The following WDR7 variants were observed in gnomAD, a reference collection of about 807,000 sequenced individuals.
WDR7 encodes the protein WD repeat-containing protein 7.
WDR7 carries 46 observed loss-of-function variants against 169.4 expected under a neutral mutation model. The observed-to-expected ratio is 0.27, with a 90% confidence interval of 0.21 to 0.35. The LOEUF (loss-of-function observed/expected upper bound fraction) is 0.35. Among genes scored for constraint, WDR7 ranks in the 10% least tolerant of loss-of-function variants. The probability of loss-of-function intolerance (pLI) is 1.00; values close to 1 mark genes in which losing one functional copy is unlikely to be tolerated. For synonymous variants in WDR7, 612 were observed against 666.8 expected (o/e 0.92, Z 1.27); for missense variants, 1,534 against 1,859.3 (o/e 0.83, Z 3.22).
At chr18:56,670,840 C>T (rs777255528) in intron 1 of WDR7, among the ~76,000 whole-genome samples, 7 of 152,080 alleles carry the variant, frequency 4.6e-5, no homozygotes, top group Admixed American at 1.3e-4. Flanking sequence ...AATGATTATA[C>T]CTTTTGATTG....
At chr18:56,660,301 A>G (rs906003920) in intron 1 of WDR7, among the ~76,000 whole-genome samples, 1 of 152,186 alleles carries the variant, frequency 6.6e-6, no homozygotes, top group African/African-American at 2.4e-5. Context: ...TTTGGATTTC[A>G]GAAAAGCATC....
At chr18:56,654,524 T>G (rs1455819266) in intron 1 of WDR7, among the ~76,000 whole-genome samples, 1 of 152,226 alleles carries the variant, frequency 6.6e-6, no homozygotes, top group Non-Finnish European at 1.5e-5. Flanking sequence ...ATTTTGGGGT[T>G]TCAGTTCTTT....
At chr18:56,695,537 CTTTT>C (rs774362260) in intron 11 of WDR7, among the ~76,000 whole-genome samples, 11 of 139,468 alleles carry the variant, frequency 7.9e-5, no homozygotes, top group Admixed American at 6.5e-4. Flanking sequence ...CAATAGAAAT[CTTTT>C]TTTTTTTTTT....
intron 20 of WDR7, among the ~76,000 whole-genome samples, chr18:56,827,091 G>A (rs2045219123): frequency 2.0e-5 from 3 of 152,188 alleles, no homozygotes; most frequent in Non-Finnish European, 4.4e-5. Context: ...GGAGAGACAT[G>A]GGAAAAGCTT....
At chr18:56,864,325 C>T (rs1453956728) in intron 20 of WDR7, among the ~76,000 whole-genome samples, 2 of 151,506 alleles carry the variant, frequency 1.3e-5, no homozygotes, top group Admixed American at 1.3e-4. Flanking sequence ...TATATAATGT[C>T]ATGACTCTCA....
At chr18:56,881,742 T>A (rs1452131435) in intron 21 of WDR7, among the ~76,000 whole-genome samples, 1 of 152,026 alleles carries the variant, frequency 6.6e-6, no homozygotes, top group Non-Finnish European at 1.5e-5. Context: ...TAGGCCACGA[T>A]GACTGGGTAA....
chr18:56,825,852 T>A (rs569165987), intron 20 of WDR7, among the ~76,000 whole-genome samples: 1 of 152,322 alleles, frequency 6.6e-6, no homozygotes, highest in Non-Finnish European at 1.5e-5. Context: ...TTTTATGTAT[T>A]GTCTAGATAA....
chr18:56,843,478 G>A (rs924389048), intron 20 of WDR7, among the ~76,000 whole-genome samples: 3 of 152,126 alleles, frequency 2.0e-5, no homozygotes, highest in African/African-American at 7.2e-5. Flanking sequence ...TAAGTGTCTG[G>A]CTTATTTCAC....
Position 56,911,386 on chromosome 18 carries a change from G to A in WDR7, c.3527-12536G>A, listed in dbSNP as rs575868377. ...AGATGTCCAGACTGAGAAACGGGCA[G>A]CAGAGTGACTTTTGTTTGCTCATCT... is the stretch of plus-strand genomic sequence containing the variant. On this transcript the variant is annotated intron_variant, in intron 21 of 27. Coordinates refer to ENST00000254442, the MANE Select transcript of WDR7 (RefSeq NM_015285.3). Among the ~76,000 whole-genome samples, 85 of 152,196 alleles carry A rather than the reference G, an allele frequency of 5.6e-4. 1 individual carries two copies. The highest frequency in any genetic ancestry group is 9.2e-4 in the Admixed American group (14 of 15,264).
At chr18:56,941,593 C>T (rs535710683) in intron 25 of WDR7, among the ~76,000 whole-genome samples, 1 of 152,048 alleles carries the variant, frequency 6.6e-6, no homozygotes, top group African/African-American at 2.4e-5. Flanking sequence ...GTATAGTGCC[C>T]GAGTATAGAG....
chr18:56,827,831 C>A (rs2045235168), intron 20 of WDR7, among the ~76,000 whole-genome samples: 1 of 151,806 alleles, frequency 6.6e-6, no homozygotes, highest in East Asian at 1.9e-4. Flanking sequence ...AATATATGCA[C>A]CTACTATATA....
intron 26 of WDR7, among the ~76,000 whole-genome samples, chr18:56,979,150 G>A (rs537657499): frequency 1.3e-5 from 2 of 151,962 alleles, no homozygotes; most frequent in African/African-American, 2.4e-5. Flanking sequence ...CCTATATATG[G>A]GTTATTAATA....
chr18:56,782,908 TTA>T (rs1293690257), intron 19 of WDR7, among the ~76,000 whole-genome samples: 1 of 152,182 alleles, frequency 6.6e-6, no homozygotes, highest in East Asian at 1.9e-4. Context: ...TATAGGGTTA[TTA>T]TGTGTGTGGC....
At chr18:56,686,620 C>T (rs2025449273) in intron 6 of WDR7, among the ~76,000 whole-genome samples, 1 of 152,094 alleles carries the variant, frequency 6.6e-6, no homozygotes, top group Non-Finnish European at 1.5e-5. Flanking sequence ...AGTGATGATA[C>T]TCTGAGTATC....
intron 13 of WDR7, among the ~76,000 whole-genome samples, chr18:56,726,107 C>T (rs1434150315): frequency 1.3e-5 from 2 of 152,092 alleles, no homozygotes; most frequent in Non-Finnish European, 2.9e-5. Flanking sequence ...CAGCTTTGTT[C>T]TTTTGGAGGA....
intron 27 of WDR7, among the ~76,000 whole-genome samples, chr18:57,022,502 CTT>C (rs1221130203): frequency 6.6e-6 from 1 of 152,198 alleles, no homozygotes; most frequent in Non-Finnish European, 1.5e-5. Flanking sequence ...CAAAACATCT[CTT>C]TTTTCCAACT....
chr18:56,971,335 A>G (rs866644455), intron 26 of WDR7, among the ~76,000 whole-genome samples: 4 of 150,208 alleles, frequency 2.7e-5, no homozygotes, highest in Non-Finnish European at 3.0e-5. Flanking sequence ...TGCCTCCTGT[A>G]TTTGTCATCT....
chr18:56,746,418 G>T (rs115058096), intron 14 of WDR7, among the ~76,000 whole-genome samples: 5,324 of 152,270 alleles, frequency 0.035, 321 homozygotes, highest in African/African-American at 0.12. Flanking sequence ...AAGGGGAGCA[G>T]ATTTATCAGC....
intron 26 of WDR7, among the ~76,000 whole-genome samples, chr18:56,966,082 T>C (rs1345831038): frequency 6.6e-6 from 1 of 152,078 alleles, no homozygotes; most frequent in Non-Finnish European, 1.5e-5. Context: ...AAGGCAGACA[T>C]GGTGGTGGGC....
Sources: gnomAD v4.1 joint callset for allele counts (sites outside exome capture counted in the v4.1 genomes callset) on GRCh38, gnomAD v4.1.1 for gene constraint, MANE v1.5 for transcripts, NCBI Gene and HGNC (gene_info 2026-07-23, HGNC 2026-07-21) for gene names.